Variants in ZNF804B observed in about 807,000 individuals in gnomAD.
ZNF804B encodes zinc finger protein 804B.
In ZNF804B, 80 loss-of-function variants were observed where a neutral mutation model predicts 101.4. The ratio of observed to expected loss-of-function variants is 0.79; its 90% CI spans 0.66 to 0.95. ZNF804B has a LOEUF of 0.95. Ranked by LOEUF, ZNF804B falls within the 40% of genes least tolerant of loss-of-function variation. ZNF804B has a pLI of 0.00. For missense variants in ZNF804B, 1,673 were observed against 1,561.9 expected (o/e 1.07, Z -1.20); for synonymous variants, 622 against 558.8 (o/e 1.11, Z -1.59).
chr7:88,773,094 C>T (rs947234500), intron 1 of ZNF804B, among the ~76,000 whole-genome samples: 4 of 152,210 alleles, frequency 2.6e-5, no homozygotes, highest in African/African-American at 9.6e-5. Flanking sequence ...ATCTGATACA[C>T]TGCCAATTAA....
intron 1 of ZNF804B, among the ~76,000 whole-genome samples, chr7:88,809,694 G>C (rs1327597394): frequency 6.6e-6 from 1 of 152,130 alleles, no homozygotes. Context: ...CTTCTCTCAA[G>C]GACACAGAAA....
At chr7:89,312,133 A>C (rs1283029290) in intron 2 of ZNF804B, among the ~76,000 whole-genome samples, 1 of 152,196 alleles carries the variant, frequency 6.6e-6, no homozygotes, top group African/African-American at 2.4e-5. Context: ...TCCCTCAGCC[A>C]GGGAGGTGAC....
intron 1 of ZNF804B, among the ~76,000 whole-genome samples, chr7:88,965,953 A>G (rs1295339006): frequency 6.6e-6 from 1 of 151,486 alleles, no homozygotes; most frequent in Non-Finnish European, 1.5e-5. Context: ...TTTGCAAGCA[A>G]AAAGTCCTAA....
intron 1 of ZNF804B, among the ~76,000 whole-genome samples, chr7:88,802,677 T>G (rs914785967): frequency 6.6e-6 from 1 of 151,776 alleles, no homozygotes; most frequent in African/African-American, 2.4e-5. Flanking sequence ...AGATAATATA[T>G]TCTACCCTCA....
At chr7:89,240,451 T>C (rs1181322050) in intron 2 of ZNF804B, among the ~76,000 whole-genome samples, 7 of 151,980 alleles carry the variant, frequency 4.6e-5, no homozygotes, top group Non-Finnish European at 2.9e-5. Flanking sequence ...GAGCGTTTTG[T>C]ACTGCTAACA....
At position 89,039,651 on chromosome 7, in the gene ZNF804B, CTTTT is replaced by C. The variant is rs66747843; in HGVS notation, c.109-178497_109-178494del. 9.4e-5 allele frequency among the ~76,000 whole-genome samples: 14 copies of C among 149,612 alleles called. No homozygotes were observed. In the South Asian group the frequency reaches 3.0e-3, roughly 32 times the overall value. ...AATTTATTTTTTTCTCTTCAAGTGT[CTTTT>C]TTTTTTCTTGTAGGCACTATCTAGA... On this transcript the variant is annotated intron_variant, in intron 1 of 3. Transcript: ENST00000333190.
chr7:89,023,887 G>A (rs550739538), intron 1 of ZNF804B, among the ~76,000 whole-genome samples: 4 of 152,140 alleles, frequency 2.6e-5, no homozygotes, highest in Non-Finnish European at 1.5e-5. Flanking sequence ...TTTTCCCACA[G>A]AATAGGAAGT....
At chr7:89,081,075 G>A (rs753948946) in intron 1 of ZNF804B, among the ~76,000 whole-genome samples, 15 of 151,886 alleles carry the variant, frequency 9.9e-5, no homozygotes, top group African/African-American at 1.4e-4. Context: ...AGAGTTAACC[G>A]AGGGATGTTG....
At chr7:88,969,436 A>G (rs1415217313) in intron 1 of ZNF804B, among the ~76,000 whole-genome samples, 1 of 151,714 alleles carries the variant, frequency 6.6e-6, no homozygotes, top group African/African-American at 2.4e-5. Flanking sequence ...TTAATAGTTT[A>G]GCAAACCATA....
intron 1 of ZNF804B, among the ~76,000 whole-genome samples, chr7:89,088,281 G>A (rs1789835728): frequency 6.6e-6 from 1 of 151,844 alleles, no homozygotes; most frequent in Non-Finnish European, 1.5e-5. Context: ...AACACTAAAA[G>A]GGAAATGACA....
At chr7:89,289,988 A>G (rs1790260772) in intron 2 of ZNF804B, among the ~76,000 whole-genome samples, 1 of 152,172 alleles carries the variant, frequency 6.6e-6, no homozygotes, top group African/African-American at 2.4e-5. Context: ...AGAAGAGTAA[A>G]GAGGACTTTG....
At chr7:88,776,153 G>A (rs1790136724) in intron 1 of ZNF804B, among the ~76,000 whole-genome samples, 1 of 152,164 alleles carries the variant, frequency 6.6e-6, no homozygotes, top group Non-Finnish European at 1.5e-5. Flanking sequence ...AATGTTGAGG[G>A]CTTAACACAG....
chr7:89,174,153 T>C (rs1422477580), intron 1 of ZNF804B, among the ~76,000 whole-genome samples: 1 of 151,932 alleles, frequency 6.6e-6, no homozygotes, highest in Non-Finnish European at 1.5e-5. Flanking sequence ...GTACACAACT[T>C]TTTGTGCTAT....
At chr7:89,154,007 A>G (rs940352550) in intron 1 of ZNF804B, among the ~76,000 whole-genome samples, 1 of 152,046 alleles carries the variant, frequency 6.6e-6, no homozygotes, top group Non-Finnish European at 1.5e-5. Context: ...TCTGTTCAGA[A>G]TATGTAAGGA....
At chr7:88,980,993 C>T (rs573276730) in intron 1 of ZNF804B, among the ~76,000 whole-genome samples, 94 of 152,194 alleles carry the variant, frequency 6.2e-4, no homozygotes, top group Non-Finnish European at 1.1e-3. Flanking sequence ...ACTTGGCGCT[C>T]TGTTCTGCAA....
At chr7:89,110,402 A>C (rs1414261813) in intron 1 of ZNF804B, among the ~76,000 whole-genome samples, 1 of 152,222 alleles carries the variant, frequency 6.6e-6, no homozygotes, top group Non-Finnish European at 1.5e-5. Context: ...TTTGAGTTGA[A>C]TGAACCAAAG....
chr7:88,847,973 G>A (rs184711884), intron 1 of ZNF804B, among the ~76,000 whole-genome samples: 10 of 152,232 alleles, frequency 6.6e-5, no homozygotes, highest in Admixed American at 2.6e-4. Context: ...TCAGCATATA[G>A]CATTTGGGGA....
intron 2 of ZNF804B, among the ~76,000 whole-genome samples, chr7:89,230,028 G>A (rs1467314333): frequency 6.6e-6 from 1 of 151,854 alleles, no homozygotes; most frequent in Non-Finnish European, 1.5e-5. Flanking sequence ...TGTGGAATGC[G>A]GCAAAGAGTG....
chr7:89,134,596 C>T (rs1790602580), intron 1 of ZNF804B, among the ~76,000 whole-genome samples: 1 of 152,060 alleles, frequency 6.6e-6, no homozygotes, highest in African/African-American at 2.4e-5. Flanking sequence ...CTTCTCTGCC[C>T]ACCTTTCCCA....
Sources: allele counts gnomAD v4.1 joint callset (sites outside exome capture counted in the v4.1 genomes callset), GRCh38; gene constraint gnomAD v4.1.1; transcripts MANE v1.5; gene names NCBI Gene and HGNC (gene_info 2026-07-23, HGNC 2026-07-21).